Variants in SHISA9 observed in about 807,000 individuals in gnomAD.
The protein encoded by SHISA9 is protein shisa-9.
Under a neutral mutation model 38.0 loss-of-function variants are expected in SHISA9, and 13 were observed. The observed-to-expected ratio is 0.34, with a 90% CI of 0.22 to 0.54. SHISA9 has a LOEUF of 0.54. Ranked by LOEUF, SHISA9 falls within the 20% of genes least tolerant of loss-of-function variation. The pLI, the probability that SHISA9 is intolerant of heterozygous loss-of-function variation, is 0.91. For synonymous variants in SHISA9, 275 were observed against 242.0 expected (o/e 1.14, Z -1.27); for missense variants, 538 against 575.8 (o/e 0.93, Z 0.67).
the SHISA9 span, among the ~76,000 whole-genome samples, chr16:13,420,762 C>G: frequency 6.6e-6 from 1 of 152,172 alleles, no homozygotes; most frequent in Non-Finnish European, 1.5e-5. Flanking sequence ...CAGAAACGCA[C>G]AAATGCCCCT....
intron 2 of SHISA9, among the ~76,000 whole-genome samples, chr16:13,188,386 G>T (rs2050849059): frequency 2.0e-5 from 3 of 152,136 alleles, no homozygotes; most frequent in Admixed American, 2.0e-4. Context: ...ACTGGAAATG[G>T]AATGATGAAG....
the SHISA9 span, among the ~76,000 whole-genome samples, chr16:13,253,689 CA>C: frequency 1.3e-5 from 2 of 152,104 alleles, no homozygotes; most frequent in South Asian, 4.1e-4. Context: ...ATCCCTCCCA[CA>C]ACACATGAGA....
At chr16:13,081,901 G>A (rs1260056984) in intron 2 of SHISA9, among the ~76,000 whole-genome samples, 1 of 151,950 alleles carries the variant, frequency 6.6e-6, no homozygotes, top group African/African-American at 2.4e-5. Context: ...TAGCGTGTGT[G>A]TGTGTGTTTG....
At chr16:13,041,925 C>A (rs1383520409) in intron 2 of SHISA9, among the ~76,000 whole-genome samples, 1 of 152,234 alleles carries the variant, frequency 6.6e-6, no homozygotes, top group Non-Finnish European at 1.5e-5. Context: ...ACCATCGAAT[C>A]ATCAAAGTCT....
the SHISA9 span, among the ~76,000 whole-genome samples, chr16:13,301,686 T>C: frequency 6.6e-6 from 1 of 152,108 alleles, no homozygotes; most frequent in African/African-American, 2.4e-5. Flanking sequence ...TATTAAGGCA[T>C]TGGTAGTATG....
Position 13,155,660 on chromosome 16 carries a change from A to C in SHISA9, c.692-47734A>C, listed in dbSNP as rs557621997. On this transcript the variant is annotated intron_variant, in intron 2 of 4. Coordinates refer to ENST00000558583, the MANE Select transcript of SHISA9 (RefSeq NM_001145204.3). ...GTGGGGGTAGGGCACTGTGCTAGTC[A>C]AGGTACCCAGGCCACAGCCTTTGAA... 6.6e-5 allele frequency among the ~76,000 whole-genome samples: 10 copies of C among 152,182 alleles called. No individual in the cohort carries two copies. The East Asian group carries it at 1.9e-3, about 29-fold the overall frequency.
the SHISA9 span, among the ~76,000 whole-genome samples, chr16:13,298,318 C>T: frequency 3.9e-5 from 6 of 151,962 alleles, no homozygotes; most frequent in Non-Finnish European, 8.8e-5. Flanking sequence ...GGAAAAGTAC[C>T]GTGGAAACTC....
the SHISA9 span, among the ~76,000 whole-genome samples, chr16:13,335,852 C>T: frequency 1.3e-5 from 2 of 152,270 alleles, no homozygotes; most frequent in East Asian, 3.9e-4. Flanking sequence ...CTGCCTTGTA[C>T]CCCCTGGTGT....
chr16:12,941,633 C>G (rs1212046513), intron 2 of SHISA9, among the ~76,000 whole-genome samples: 1 of 152,086 alleles, frequency 6.6e-6, no homozygotes, highest in East Asian at 1.9e-4. Context: ...CTGAGGCAGG[C>G]TCACCTGAGG....
chr16:13,179,217 G>A (rs573535144), intron 2 of SHISA9, among the ~76,000 whole-genome samples: 1 of 152,274 alleles, frequency 6.6e-6, no homozygotes, highest in African/African-American at 2.4e-5. Context: ...TATTCAGGAG[G>A]CTGAGGCGGG....
chr16:13,272,938 G>GT, the SHISA9 span, among the ~76,000 whole-genome samples: 1 of 151,898 alleles, frequency 6.6e-6, no homozygotes, highest in Admixed American at 6.6e-5. Context: ...CTCTCTCTCT[G>GT]TTTTTATTTG....
chr16:13,513,873 T>A, the SHISA9 span, among the ~76,000 whole-genome samples: 1 of 152,194 alleles, frequency 6.6e-6, no homozygotes, highest in Non-Finnish European at 1.5e-5. Context: ...AAATACCTAA[T>A]GCATGCAGGG....
At chr16:13,253,892 T>C in the SHISA9 span, among the ~76,000 whole-genome samples, 4 of 152,322 alleles carry the variant, frequency 2.6e-5, no homozygotes, top group East Asian at 5.8e-4. Flanking sequence ...AAATAAGACA[T>C]TACTGAAGGT....
chr16:13,543,300 G>A, the SHISA9 span, among the ~76,000 whole-genome samples: 1 of 152,186 alleles, frequency 6.6e-6, no homozygotes, highest in South Asian at 2.1e-4. Context: ...TTTCAATACA[G>A]TGGTCATGGT....
the SHISA9 span, among the ~76,000 whole-genome samples, chr16:13,517,679 A>G: frequency 1.3e-5 from 2 of 152,332 alleles, no homozygotes; most frequent in Middle Eastern, 3.4e-3. Flanking sequence ...AGGTGGAAGT[A>G]CATGGCATTA....
the SHISA9 span, among the ~76,000 whole-genome samples, chr16:13,399,534 G>GTC: frequency 2.6e-5 from 4 of 152,110 alleles, no homozygotes; most frequent in Non-Finnish European, 4.4e-5. Flanking sequence ...TTCAAGACCG[G>GTC]TCCACTCATG....
intron 2 of SHISA9, among the ~76,000 whole-genome samples, chr16:13,141,371 C>A (rs781266921): frequency 6.6e-6 from 1 of 151,994 alleles, no homozygotes; most frequent in Non-Finnish European, 1.5e-5. Context: ...CACTTATCAT[C>A]TTTTGTTTTT....
At chr16:13,351,370 A>G in the SHISA9 span, among the ~76,000 whole-genome samples, 8 of 125,796 alleles carry the variant, frequency 6.4e-5, no homozygotes, top group African/African-American at 1.9e-4. Flanking sequence ...CCTTCAGTTC[A>G]CTGACTGGTG....
Position 13,204,179 on chromosome 16 carries a change from ATCTT to A in SHISA9, c.847+634_847+637del, listed in dbSNP as rs927285275. ...CTATCTATCTATCTATTTATCTATC[ATCTT>A]TCTATCTACCTATTATCTGTCTGTC... is the stretch of plus-strand genomic sequence containing the variant. On this transcript the variant is annotated intron_variant, in intron 3 of 4. Coordinates refer to ENST00000558583, the MANE Select transcript of SHISA9 (RefSeq NM_001145204.3). Among the ~76,000 whole-genome samples, 15 of 143,796 alleles carry A rather than the reference ATCTT, an allele frequency of 1.0e-4. 1 individual carries two copies. In the East Asian group the frequency reaches 1.7e-3, roughly 16 times the overall value. 94.3% of individuals were successfully genotyped at this position (143,796 alleles called of 152,430 possible).
Sources: gnomAD v4.1 joint callset for allele counts (sites outside exome capture counted in the v4.1 genomes callset) on GRCh38, gnomAD v4.1.1 for gene constraint, MANE v1.5 for transcripts, NCBI Gene and HGNC (gene_info 2026-07-23, HGNC 2026-07-21) for gene names.